Variants in CDH4 observed in about 807,000 individuals in gnomAD.
The protein encoded by CDH4 is cadherin-4.
Under a neutral mutation model 86.0 loss-of-function variants are expected in CDH4, and 33 were observed. The ratio of observed to expected loss-of-function variants is 0.38; its 90% confidence interval spans 0.29 to 0.51. The LOEUF (loss-of-function observed/expected upper bound fraction) is 0.51, where lower values mean the gene tolerates loss of function less well. CDH4 is among the 20% of genes least tolerant of loss of function. The pLI is 0.86. For missense variants in CDH4, 1,114 were observed against 1,307.4 expected, an observed-to-expected ratio of 0.85 and a Z score of 2.28; for synonymous variants, 555 against 549.4, an observed-to-expected ratio of 1.01 and a Z score of -0.14.
intron 6 of CDH4, among the ~76,000 whole-genome samples, chr20:61,872,256 A>G (rs1034638532): frequency 7.2e-5 from 11 of 152,136 alleles, no homozygotes; most frequent in Admixed American, 2.0e-4. Context: ...CACAGAGGAC[A>G]TAGACAATAA....
At chr20:61,789,501 C>T (rs759327626) in intron 4 of CDH4, among the ~76,000 whole-genome samples, 26 of 152,182 alleles carry the variant, frequency 1.7e-4, no homozygotes, top group Admixed American at 5.2e-4. Context: ...CTGCCTGAAG[C>T]GGCCTCTCCC....
At chr20:61,885,118 G>A (rs570821936) in intron 7 of CDH4, among the ~76,000 whole-genome samples, 5 of 152,112 alleles carry the variant, frequency 3.3e-5, no homozygotes, top group Non-Finnish European at 7.4e-5. Context: ...AGGCAGCGGG[G>A]ACTGAAGTCG....
At chr20:61,923,315 C>A in intron 9 of CDH4, 136 bp from the exon 10 acceptor site, 1 of 884,086 alleles carries the variant, frequency 1.1e-6, no homozygotes, top group Non-Finnish European at 1.8e-6. Flanking sequence ...TTGGGGCCTC[C>A]TGGCTAAAGA....
At chr20:61,721,511 G>T (rs2088041648) in intron 2 of CDH4, among the ~76,000 whole-genome samples, 1 of 152,200 alleles carries the variant, frequency 6.6e-6, no homozygotes, top group African/African-American at 2.4e-5. Flanking sequence ...ACACCCAAGG[G>T]TAAAATGTCA....
At chr20:61,281,456 T>A (rs2123162886) in intron 2 of CDH4, among the ~76,000 whole-genome samples, 1 of 152,314 alleles carries the variant, frequency 6.6e-6, no homozygotes, top group East Asian at 1.9e-4. Flanking sequence ...TGCCGGCGCC[T>A]TGACCTTGGA....
chr20:61,568,579 C>G (rs1315614533), intron 2 of CDH4, among the ~76,000 whole-genome samples: 2 of 152,232 alleles, frequency 1.3e-5, no homozygotes, highest in South Asian at 2.1e-4. Context: ...CTGGAGGATA[C>G]TACAACAAAT....
At position 61,709,985 on chromosome 20, in the gene CDH4, C is replaced by A. The variant is rs753091373; in HGVS notation, c.170-33578C>A. 6.6e-6 allele frequency among the ~76,000 whole-genome samples: 1 copy of A among 152,162 alleles called. No homozygotes were observed. Among genetic ancestry groups the A allele is most frequent in the Non-Finnish European group, 1.5e-5 (1 of 68,028 alleles). On this transcript the variant is annotated intron_variant, in intron 2 of 15. Transcript: ENST00000614565. This position sits in a 1 kb window ranked among gnomAD's most constrained non-coding sequence, Gnocchi z 4.8. ...GTTGTAGGGAAAAGTTTGCCACCAA[C>A]AGCGAGTTTAAAACTTTGAAACAGT...
intron 2 of CDH4, among the ~76,000 whole-genome samples, chr20:61,298,148 G>A (rs1459794580): frequency 2.0e-5 from 3 of 152,162 alleles, no homozygotes; most frequent in African/African-American, 4.8e-5. Flanking sequence ...GCGATTGGGC[G>A]CCAGAGCTGA....
intron 2 of CDH4, among the ~76,000 whole-genome samples, chr20:61,625,665 T>C (rs2086824246): frequency 6.6e-6 from 1 of 152,336 alleles, no homozygotes; most frequent in South Asian, 2.1e-4. Context: ...GACTTGGTTG[T>C]ATGAGCAGAC....
At chr20:61,748,906 A>C (rs1284984362) in intron 3 of CDH4, among the ~76,000 whole-genome samples, 1 of 152,262 alleles carries the variant, frequency 6.6e-6, no homozygotes, top group Non-Finnish European at 1.5e-5. Flanking sequence ...ATGAAAACAG[A>C]ATAGATGGGC....
intron 2 of CDH4, among the ~76,000 whole-genome samples, chr20:61,319,369 C>T (rs993863814): frequency 2.0e-5 from 3 of 152,060 alleles, no homozygotes; most frequent in Non-Finnish European, 4.4e-5. Context: ...TATGCTCCAC[C>T]GGGAAGCAGG....
chr20:61,605,522 CCTTTCTGTCTCTCT>C (rs1364216604), intron 2 of CDH4, among the ~76,000 whole-genome samples: 2 of 146,854 alleles, frequency 1.4e-5, no homozygotes, highest in East Asian at 2.3e-4. Context: ...TCTGTCTCTC[CCTTTCTGTCTCTCT>C]CCTTCTGTCT....
chr20:61,775,922 G>A (rs1200186075), intron 4 of CDH4, among the ~76,000 whole-genome samples: 5 of 152,178 alleles, frequency 3.3e-5, no homozygotes, highest in South Asian at 2.1e-4. Flanking sequence ...ATGAAAGAGC[G>A]AGGTCACATG....
intron 2 of CDH4, among the ~76,000 whole-genome samples, chr20:61,712,910 G>T (rs1600901757): frequency 6.6e-6 from 1 of 152,310 alleles, no homozygotes; most frequent in African/African-American, 2.4e-5. Flanking sequence ...CAGGCAGGAA[G>T]TCAGTTTGTG....
intron 13 of CDH4, among the ~76,000 whole-genome samples, chr20:61,930,232 G>A (rs999159527): frequency 1.6e-4 from 25 of 152,310 alleles, no homozygotes; most frequent in African/African-American, 5.1e-4. Flanking sequence ...AAAGTCCCAG[G>A]ACACTCTCTG....
At chr20:61,543,118 C>T (rs541659398) in intron 2 of CDH4, among the ~76,000 whole-genome samples, 7 of 152,338 alleles carry the variant, frequency 4.6e-5, no homozygotes, top group South Asian at 2.1e-4. Flanking sequence ...ATTCTAGCCA[C>T]GCTGGCAGCT....
At chr20:61,819,781 C>T (rs1163545863) in intron 4 of CDH4, among the ~76,000 whole-genome samples, 3 of 152,142 alleles carry the variant, frequency 2.0e-5, no homozygotes, top group African/African-American at 7.2e-5. Context: ...GGAGGAAAGA[C>T]GTTTTAAAGG....
At chr20:61,751,481 C>T (rs975274317) in intron 3 of CDH4, among the ~76,000 whole-genome samples, 3 of 152,206 alleles carry the variant, frequency 2.0e-5, no homozygotes, top group African/African-American at 4.8e-5. Context: ...GCTTCATGGA[C>T]GTATAACTCT....
chr20:61,715,249 G>A (rs1323929293), intron 2 of CDH4, among the ~76,000 whole-genome samples: 4 of 152,146 alleles, frequency 2.6e-5, no homozygotes, highest in Non-Finnish European at 4.4e-5. Context: ...CACTTTTGAT[G>A]GGATTGTTCC....
Sources: gnomAD v4.1 joint callset for allele counts (sites outside exome capture counted in the v4.1 genomes callset) on GRCh38, gnomAD v4.1.1 for gene constraint, Gnocchi (gnomAD v3.1) non-coding constraint, MANE v1.5 for transcripts, NCBI Gene and HGNC (gene_info 2026-07-23, HGNC 2026-07-21) for gene names.